ERC2: variants seen among roughly 807,000 people sequenced by gnomAD.
ERC2 encodes the protein ELKS/RAB6-interacting/CAST family member 2, also known as ERC protein 2.
Under a neutral mutation model 114.8 loss-of-function variants are expected in ERC2, and 42 were observed. The ratio of observed to expected loss-of-function variants is 0.37; its 90% CI spans 0.29 to 0.47. The LOEUF (loss-of-function observed/expected upper bound fraction) is 0.47, where lower values mean the gene tolerates loss of function less well. Among genes scored for constraint, ERC2 ranks in the 20% least tolerant of loss-of-function variants. ERC2 has a pLI of 0.99. For synonymous variants in ERC2, 454 were observed against 425.5 expected, an observed-to-expected ratio of 1.07 and a Z score of -0.82; for missense variants, 939 against 1,150.7, an observed-to-expected ratio of 0.82 and a Z score of 2.66.
chr3:56,045,383 C>T (rs1186702960), intron 7 of ERC2, among the ~76,000 whole-genome samples: 2 of 152,104 alleles, frequency 1.3e-5, no homozygotes, highest in Non-Finnish European at 2.9e-5. Flanking sequence ...TTGACCTGTG[C>T]ATTTGAGTCT....
At chr3:55,764,909 TTGG>T (rs1360020208) in intron 14 of ERC2, among the ~76,000 whole-genome samples, 1 of 152,188 alleles carries the variant, frequency 6.6e-6, no homozygotes, top group Non-Finnish European at 1.5e-5. Flanking sequence ...AGGCTCATTT[TTGG>T]TGGGGATTTT....
At chr3:55,686,169 T>C in intron 16 of ERC2, among the ~76,000 whole-genome samples, 1 of 152,166 alleles carries the variant, frequency 6.6e-6, no homozygotes, top group East Asian at 1.9e-4. Flanking sequence ...GGCTCCCAGA[T>C]GTCGAGGGTT....
chr3:55,851,413 G>A (rs185592774), intron 14 of ERC2, among the ~76,000 whole-genome samples: 1 of 151,854 alleles, frequency 6.6e-6, no homozygotes, highest in Admixed American at 6.5e-5. Context: ...ATTTAAACAT[G>A]TACACACACA....
At chr3:56,145,946 T>C (rs922492923) in intron 5 of ERC2, among the ~76,000 whole-genome samples, 1 of 152,088 alleles carries the variant, frequency 6.6e-6, no homozygotes. Context: ...TTAATAGTAA[T>C]GCAAGCAGTA....
intron 3 of ERC2, among the ~76,000 whole-genome samples, chr3:56,253,324 A>T (rs1490464906): frequency 6.6e-6 from 1 of 152,232 alleles, no homozygotes; most frequent in African/African-American, 2.4e-5. Context: ...TATTTAGAAA[A>T]TTTTAAGTTT....
At chr3:55,727,825 A>T (rs917548655) in intron 15 of ERC2, among the ~76,000 whole-genome samples, 6 of 152,208 alleles carry the variant, frequency 3.9e-5, no homozygotes, top group Non-Finnish European at 7.3e-5. Context: ...AAGAAGGTAA[A>T]AAAATTTGGA....
intron 14 of ERC2, among the ~76,000 whole-genome samples, chr3:55,749,752 C>G (rs1359176089): frequency 6.6e-6 from 1 of 152,158 alleles, no homozygotes; most frequent in Non-Finnish European, 1.5e-5. Flanking sequence ...CAGCGGCAAC[C>G]CACTTGGGTC....
chr3:55,924,222 T>C (rs568176853), intron 13 of ERC2, among the ~76,000 whole-genome samples: 19 of 152,262 alleles, frequency 1.2e-4, no homozygotes, highest in African/African-American at 4.6e-4. Context: ...CACTGTCTTC[T>C]AGAGCAGGGG....
At chr3:55,760,199 G>A (rs1225041972) in intron 14 of ERC2, among the ~76,000 whole-genome samples, 1 of 152,184 alleles carries the variant, frequency 6.6e-6, no homozygotes, top group Non-Finnish European at 1.5e-5. Flanking sequence ...GCTTCCCACT[G>A]CCTATAGTCA....
chr3:56,463,345 G>T (rs1454788943), intron 1 of ERC2, among the ~76,000 whole-genome samples: 2 of 152,208 alleles, frequency 1.3e-5, no homozygotes, highest in Admixed American at 1.3e-4. Context: ...GAGCTGAAAA[G>T]TTCTTGGAGT....
intron 17 of ERC2, among the ~76,000 whole-genome samples, chr3:55,597,711 T>C (rs1337704569): frequency 2.7e-4 from 41 of 152,198 alleles, no homozygotes; most frequent in Non-Finnish European, 2.9e-4. Context: ...ATTTGCAACA[T>C]CTAGCTCCTG....
At chr3:56,430,891 T>C (rs755871062) in intron 2 of ERC2, among the ~76,000 whole-genome samples, 2 of 152,196 alleles carry the variant, frequency 1.3e-5, no homozygotes, top group Non-Finnish European at 1.5e-5. Flanking sequence ...CCTATAATAC[T>C]AAATCACAGC....
intron 3 of ERC2, among the ~76,000 whole-genome samples, chr3:56,245,266 C>T (rs752142053): frequency 5.3e-5 from 8 of 151,748 alleles, no homozygotes; most frequent in Middle Eastern, 3.4e-3. Context: ...CAAAACCAAG[C>T]GCATTTACAG....
At chr3:55,578,102 C>T (rs564690018) in intron 17 of ERC2, among the ~76,000 whole-genome samples, 33 of 152,268 alleles carry the variant, frequency 2.2e-4, no homozygotes, top group African/African-American at 7.9e-4. Flanking sequence ...CCACTTAGGG[C>T]CATCCTCATC....
intron 6 of ERC2, among the ~76,000 whole-genome samples, chr3:56,092,558 C>T (rs2077852442): frequency 6.6e-6 from 1 of 152,146 alleles, no homozygotes. Flanking sequence ...CAACACTAAC[C>T]TTACCTCATT....
intron 17 of ERC2, among the ~76,000 whole-genome samples, chr3:55,551,015 C>CAAAA (rs368001324): frequency 2.6e-5 from 2 of 76,668 alleles, no homozygotes. Flanking sequence ...GACTCCGTCT[C>CAAAA]AAAAAAAAAA....
intron 2 of ERC2, among the ~76,000 whole-genome samples, chr3:56,309,178 T>A (rs943005702): frequency 1.3e-5 from 2 of 152,216 alleles, no homozygotes; most frequent in South Asian, 4.1e-4. Flanking sequence ...CTTTCTCTTT[T>A]GGGGTAGAAT....
chr3:55,607,173 C>A (rs1479405791), intron 17 of ERC2, among the ~76,000 whole-genome samples: 1 of 152,084 alleles, frequency 6.6e-6, no homozygotes, highest in Non-Finnish European at 1.5e-5. Flanking sequence ...AGACCCTGCC[C>A]CCATGGAGCT....
intron 17 of ERC2, among the ~76,000 whole-genome samples, chr3:55,656,060 C>T (rs2060847177): frequency 6.6e-6 from 1 of 152,032 alleles, no homozygotes; most frequent in African/African-American, 2.4e-5. Flanking sequence ...GCTGCTTGGC[C>T]CCTCTCATCC....
Sources: allele counts gnomAD v4.1 joint callset (sites outside exome capture counted in the v4.1 genomes callset), GRCh38; gene constraint gnomAD v4.1.1; transcripts MANE v1.5; gene names NCBI Gene and HGNC (gene_info 2026-07-23, HGNC 2026-07-21).